The following SGCZ variants were observed in gnomAD, a reference collection of about 807,000 sequenced individuals.
SGCZ encodes zeta-sarcoglycan.
A neutral mutation model predicts 41.3 loss-of-function variants in SGCZ; 40 were observed. That is an observed-to-expected ratio of 0.97 (90% CI 0.75 to 1.26). The LOEUF is 1.26. Among genes scored for constraint, SGCZ ranks in the 50% most tolerant of loss-of-function variants. The probability of loss-of-function intolerance (pLI) is 0.00; values close to 1 mark genes in which losing one functional copy is unlikely to be tolerated. For synonymous variants in SGCZ, 206 were observed against 137.5 expected, an observed-to-expected ratio of 1.50 and a Z score of -3.49; for missense variants, 552 against 369.8, an observed-to-expected ratio of 1.49 and a Z score of -4.04.
chr8:14,713,017 T>C (rs541565527), intron 1 of SGCZ, among the ~76,000 whole-genome samples: 67 of 152,136 alleles, frequency 4.4e-4, no homozygotes, highest in Non-Finnish European at 8.8e-4. Context: ...TAAACTACTG[T>C]GTAGGCCCCT....
intron 4 of SGCZ, among the ~76,000 whole-genome samples, chr8:14,225,882 G>A (rs1240607677): frequency 3.3e-5 from 5 of 151,990 alleles, no homozygotes; most frequent in Admixed American, 6.6e-5. Context: ...GAATCTTTGC[G>A]ACCGACAAGC....
At chr8:14,916,766 G>A (rs146936430) in intron 1 of SGCZ, among the ~76,000 whole-genome samples, 213 of 151,998 alleles carry the variant, frequency 1.4e-3, no homozygotes, top group African/African-American at 4.9e-3. Context: ...TCCCACATAT[G>A]CATCTAAGTG....
chr8:14,619,565 C>T (rs1303016762), intron 1 of SGCZ, among the ~76,000 whole-genome samples: 2 of 152,128 alleles, frequency 1.3e-5, no homozygotes, highest in Non-Finnish European at 2.9e-5. Flanking sequence ...CCAAAATCTC[C>T]TTAAGCTGAT....
At chr8:14,262,788 C>A (rs1189624012) in intron 3 of SGCZ, among the ~76,000 whole-genome samples, 2 of 148,294 alleles carry the variant, frequency 1.3e-5, no homozygotes, top group African/African-American at 2.5e-5. Flanking sequence ...ATGCAAATCC[C>A]AGTCAAACAA....
chr8:14,208,671 CACTT>C (rs976905458), intron 4 of SGCZ, among the ~76,000 whole-genome samples: 14 of 151,836 alleles, frequency 9.2e-5, no homozygotes, highest in African/African-American at 3.1e-4. Flanking sequence ...CAACTAGAAA[CACTT>C]AATTATACAG....
intron 1 of SGCZ, among the ~76,000 whole-genome samples, chr8:15,012,902 T>A (rs1025675440): frequency 6.6e-6 from 1 of 151,564 alleles, no homozygotes; most frequent in Non-Finnish European, 1.5e-5. Context: ...GAAGATGGTA[T>A]TTGGTTTTGT....
At chr8:14,203,515 T>A (rs76634469) in intron 4 of SGCZ, among the ~76,000 whole-genome samples, 5,842 of 152,304 alleles carry the variant, frequency 0.038, 125 homozygotes, top group Middle Eastern at 0.068. Context: ...TTTATTTCAC[T>A]GGATTCAATT....
intron 1 of SGCZ, among the ~76,000 whole-genome samples, chr8:15,205,333 G>C (rs1454130441): frequency 6.6e-6 from 1 of 152,130 alleles, no homozygotes; most frequent in Non-Finnish European, 1.5e-5. Flanking sequence ...TACAGAATGG[G>C]AGAAAATATT....
chr8:15,178,166 C>T (rs184391734), intron 1 of SGCZ, among the ~76,000 whole-genome samples: 49 of 152,182 alleles, frequency 3.2e-4, no homozygotes, highest in Admixed American at 5.9e-4. Context: ...CCTTCTCAAC[C>T]GCACCCCTAC....
intron 1 of SGCZ, among the ~76,000 whole-genome samples, chr8:15,060,207 G>C (rs1804867462): frequency 6.6e-6 from 1 of 152,078 alleles, no homozygotes; most frequent in Non-Finnish European, 1.5e-5. Flanking sequence ...CTGCTATAAA[G>C]ACACATGCAC....
intron 1 of SGCZ, among the ~76,000 whole-genome samples, chr8:14,572,191 T>A (rs1047039480): frequency 6.6e-6 from 1 of 152,230 alleles, no homozygotes; most frequent in African/African-American, 2.4e-5. Context: ...TTTACTGCTC[T>A]CTACCAGATA....
At chr8:14,624,732 A>T (rs1400565416) in intron 1 of SGCZ, among the ~76,000 whole-genome samples, 2 of 150,936 alleles carry the variant, frequency 1.3e-5, no homozygotes, top group African/African-American at 4.9e-5. Context: ...CACCACACCC[A>T]GCTAATTTTT....
chr8:15,133,073 G>A (rs557132511), intron 1 of SGCZ, among the ~76,000 whole-genome samples: 29 of 152,094 alleles, frequency 1.9e-4, no homozygotes, highest in Non-Finnish European at 4.3e-4. Flanking sequence ...AGCCCAAGAG[G>A]TGGAGGTTGC....
At chr8:14,578,194 G>A (rs1206123124) in intron 1 of SGCZ, among the ~76,000 whole-genome samples, 2 of 152,198 alleles carry the variant, frequency 1.3e-5, no homozygotes, top group African/African-American at 2.4e-5. Flanking sequence ...GCAAAGCACT[G>A]ATGAAAATAA....
intron 1 of SGCZ, among the ~76,000 whole-genome samples, chr8:15,013,949 T>TA (rs1362535523): frequency 1.3e-5 from 2 of 152,208 alleles, no homozygotes; most frequent in Non-Finnish European, 2.9e-5. Context: ...TGATATTTTT[T>TA]ACCTCAAGAT....
intron 7 of SGCZ, among the ~76,000 whole-genome samples, chr8:14,091,079 A>T (rs892962975): frequency 3.3e-5 from 5 of 151,996 alleles, no homozygotes; most frequent in Non-Finnish European, 7.4e-5. Flanking sequence ...AAGTGAGAAC[A>T]TGCAGTGTTT....
At chr8:15,004,114 G>A (rs918503532) in intron 1 of SGCZ, among the ~76,000 whole-genome samples, 6 of 152,040 alleles carry the variant, frequency 3.9e-5, no homozygotes, top group African/African-American at 7.2e-5. Flanking sequence ...GAAAGGCTCC[G>A]TAAGACCCCC....
chr8:14,485,729 C>G (rs1801652728), intron 2 of SGCZ, among the ~76,000 whole-genome samples: 1 of 152,094 alleles, frequency 6.6e-6, no homozygotes, highest in South Asian at 2.1e-4. Flanking sequence ...TCTATCTTTC[C>G]TCAACTCTCA....
At chr8:14,678,822 C>G (rs1226881190) in intron 1 of SGCZ, among the ~76,000 whole-genome samples, 1 of 152,040 alleles carries the variant, frequency 6.6e-6, no homozygotes, top group Admixed American at 6.6e-5. Context: ...CACTGGTACA[C>G]CCAGATGATG....
Sources: gnomAD v4.1 joint callset for allele counts (sites outside exome capture counted in the v4.1 genomes callset) on GRCh38, gnomAD v4.1.1 for gene constraint, MANE v1.5 for transcripts, NCBI Gene and HGNC (gene_info 2026-07-23, HGNC 2026-07-21) for gene names.